TAS2R1: variants seen among roughly 807,000 people sequenced by gnomAD.
The protein encoded by TAS2R1 is taste receptor type 2 member 1.
For missense variants in TAS2R1, 370 were observed against 353.4 expected (o/e 1.05, Z -0.38); for synonymous variants, 141 against 134.2 (o/e 1.05, Z -0.35).
the TAS2R1 span, among the ~76,000 whole-genome samples, chr5:9,761,269 T>C: frequency 6.6e-6 from 1 of 152,216 alleles, no homozygotes; most frequent in African/African-American, 2.4e-5. Flanking sequence ...CTGCAAGGAA[T>C]AGCAAAACAT....
intron 1 of TAS2R1, among the ~76,000 whole-genome samples, chr5:9,702,119 G>GT (rs1273374759): frequency 6.6e-6 from 1 of 152,132 alleles, no homozygotes; most frequent in Non-Finnish European, 1.5e-5. Flanking sequence ...TATTCTTCTT[G>GT]TTTCCCTTAA....
At chr5:9,673,241 T>C (rs769530087) in intron 1 of TAS2R1, among the ~76,000 whole-genome samples, 7 of 152,150 alleles carry the variant, frequency 4.6e-5, no homozygotes, top group Non-Finnish European at 8.8e-5. Context: ...ACCAAGCCCA[T>C]GTGACATGCA....
chr5:9,847,489 G>A, the TAS2R1 span, among the ~76,000 whole-genome samples: 3 of 152,196 alleles, frequency 2.0e-5, no homozygotes, highest in African/African-American at 7.2e-5. Flanking sequence ...ACCTGAGATA[G>A]GATTTCTTGT....
At chr5:9,724,765 T>C in the TAS2R1 span, among the ~76,000 whole-genome samples, 1 of 152,308 alleles carries the variant, frequency 6.6e-6, no homozygotes, top group East Asian at 1.9e-4. Context: ...GGCATATTCA[T>C]GTGTACCCAC....
At chr5:9,720,538 G>T in the TAS2R1 span, among the ~76,000 whole-genome samples, 1 of 152,226 alleles carries the variant, frequency 6.6e-6, no homozygotes, top group Admixed American at 6.5e-5. Flanking sequence ...AACGCCAAGG[G>T]GAAGCGAAGT....
chr5:9,796,396 G>T, the TAS2R1 span, among the ~76,000 whole-genome samples: 1 of 152,064 alleles, frequency 6.6e-6, no homozygotes, highest in African/African-American at 2.4e-5. Flanking sequence ...ATAGCTTCAG[G>T]GTAGGGAGAG....
chr5:9,798,136 T>C, the TAS2R1 span, among the ~76,000 whole-genome samples: 3 of 152,172 alleles, frequency 2.0e-5, no homozygotes, highest in Admixed American at 2.0e-4. Context: ...AAAGATCCCA[T>C]GGTGTACGAT....
chr5:9,813,545 A>T, the TAS2R1 span, among the ~76,000 whole-genome samples: 2 of 152,318 alleles, frequency 1.3e-5, no homozygotes, highest in South Asian at 4.1e-4. Context: ...CAGTTGACAA[A>T]GCACCCTTGA....
chr5:9,793,213 G>A, the TAS2R1 span, among the ~76,000 whole-genome samples: 181 of 152,270 alleles, frequency 1.2e-3, no homozygotes, highest in African/African-American at 4.2e-3. Context: ...TGTTCCTGGA[G>A]GGGGAGGAAT....
the TAS2R1 span, among the ~76,000 whole-genome samples, chr5:9,726,820 A>G: frequency 6.6e-6 from 1 of 152,242 alleles, no homozygotes. Context: ...TCAACAGAGA[A>G]GCTGAACACG....
chr5:9,650,447 C>T (rs1386302808), intron 2 of TAS2R1, among the ~76,000 whole-genome samples: 1 of 152,016 alleles, frequency 6.6e-6, no homozygotes, highest in East Asian at 1.9e-4. Flanking sequence ...TACAGTGTTA[C>T]CTGGATTCTC....
At chr5:9,842,064 G>A in the TAS2R1 span, among the ~76,000 whole-genome samples, 1 of 152,134 alleles carries the variant, frequency 6.6e-6, no homozygotes, top group Non-Finnish European at 1.5e-5. Context: ...TAAGTAAGGT[G>A]AGGTCAAATT....
chr5:9,845,837 T>A, the TAS2R1 span, among the ~76,000 whole-genome samples: 1 of 152,218 alleles, frequency 6.6e-6, no homozygotes, highest in East Asian at 1.9e-4. Flanking sequence ...TTATTGATAA[T>A]GTAGTCAAGA....
chr5:9,816,384 GATTCGAAGC>G, the TAS2R1 span, among the ~76,000 whole-genome samples: 1 of 151,916 alleles, frequency 6.6e-6, no homozygotes, highest in Admixed American at 6.6e-5. Flanking sequence ...AGACAGTGAA[GATTCGAAGC>G]ATTCTATTGT....
At chr5:9,680,611 A>G (rs1485476978) in intron 1 of TAS2R1, among the ~76,000 whole-genome samples, 1 of 152,176 alleles carries the variant, frequency 6.6e-6, no homozygotes, top group East Asian at 1.9e-4. Flanking sequence ...TCTCATCATG[A>G]AAAAAATCAT....
downstream of TAS2R1, chr5:9,629,306 TCATG>T: frequency 6.2e-7 from 1 of 1,613,560 alleles, no homozygotes; most frequent in Non-Finnish European, 8.5e-7. Flanking sequence ...AAAACTTTTA[TCATG>T]CAGTGGGAGA....
chr5:9,669,262 G>A (rs1740703411), intron 1 of TAS2R1, among the ~76,000 whole-genome samples: 1 of 152,044 alleles, frequency 6.6e-6, no homozygotes, highest in African/African-American at 2.4e-5. Flanking sequence ...ATTCATTAAC[G>A]AAGTTCTTAG....
chr5:9,723,059 A>G, the TAS2R1 span, among the ~76,000 whole-genome samples: 1 of 152,270 alleles, frequency 6.6e-6, no homozygotes, highest in Non-Finnish European at 1.5e-5. Context: ...ATGGAGATGG[A>G]GAGCGAGCAC....
At chr5:9,866,420 T>C in the TAS2R1 span, among the ~76,000 whole-genome samples, 4 of 152,366 alleles carry the variant, frequency 2.6e-5, no homozygotes. Context: ...TGTACACCTG[T>C]TTTATTTTCA....
Sources: gnomAD v4.1 joint callset for allele counts (sites outside exome capture counted in the v4.1 genomes callset) on GRCh38, gnomAD v4.1.1 for gene constraint, MANE v1.5 for transcripts, NCBI Gene and HGNC (gene_info 2026-07-23, HGNC 2026-07-21) for gene names.